The following RHBDD1 variants were observed in gnomAD, a reference collection of about 807,000 sequenced individuals.
The protein encoded by RHBDD1 is rhomboid-related protein 4.
A neutral mutation model predicts 36.3 loss-of-function variants in RHBDD1; 38 were observed. That is an observed-to-expected ratio of 1.05 (90% confidence interval 0.81 to 1.37). The LOEUF (loss-of-function observed/expected upper bound fraction) is 1.37. RHBDD1 is among the 40% of genes most tolerant of loss of function. The pLI is 0.00. For synonymous variants in RHBDD1, 151 were observed against 136.5 expected, an observed-to-expected ratio of 1.11 and a Z score of -0.74; for missense variants, 393 against 377.6, an observed-to-expected ratio of 1.04 and a Z score of -0.34.
At chr2:226,843,300 T>TG (rs1437590478) in intron 3 of RHBDD1, among the ~76,000 whole-genome samples, 1 of 152,220 alleles carries the variant, frequency 6.6e-6, no homozygotes, top group Admixed American at 6.5e-5. Flanking sequence ...GAACTTCCAA[T>TG]ACTGTGTTGA....
At chr2:226,923,110 C>G (rs118012051) in intron 8 of RHBDD1, among the ~76,000 whole-genome samples, 2,541 of 152,238 alleles carry the variant, frequency 0.017, 50 homozygotes, top group East Asian at 0.11. Context: ...CTTACTATTA[C>G]CAGTGAATTT....
upstream of RHBDD1, among the ~76,000 whole-genome samples, chr2:226,833,611 A>G (rs565041747): frequency 6.6e-6 from 1 of 152,370 alleles, no homozygotes; most frequent in Non-Finnish European, 1.5e-5. Context: ...TGTCTCACAT[A>G]TTATGCACAA....
the RHBDD1 span, among the ~76,000 whole-genome samples, chr2:226,816,325 T>C: frequency 1.4e-5 from 2 of 146,864 alleles, no homozygotes; most frequent in Admixed American, 6.9e-5. Flanking sequence ...ATTTGAATAT[T>C]CTGAACTGCA....
At chr2:226,956,465 C>G (rs1400377541) in intron 8 of RHBDD1, among the ~76,000 whole-genome samples, 1 of 152,204 alleles carries the variant, frequency 6.6e-6, no homozygotes, top group Admixed American at 6.5e-5. Context: ...CCTATCATCA[C>G]CAGTCCCCAA....
At chr2:226,952,005 A>G (rs1951459899) in intron 8 of RHBDD1, among the ~76,000 whole-genome samples, 1 of 152,134 alleles carries the variant, frequency 6.6e-6, no homozygotes, top group Non-Finnish European at 1.5e-5. Flanking sequence ...TCATTTGGGG[A>G]GCTTTGTACA....
upstream of RHBDD1, among the ~76,000 whole-genome samples, chr2:226,833,640 G>A (rs562889104): frequency 1.3e-5 from 2 of 152,174 alleles, no homozygotes; most frequent in South Asian, 2.1e-4. Flanking sequence ...GTGCTGCCTC[G>A]TCTCATGATT....
rs139734576 is a variant in RHBDD1 at position 226,945,318 on chromosome 2, C to T, written c.856+30967C>T. ...ATGGTATCCCTCCCCTAGCCTCCCA[C>T]GCCCTGACAGGCCCGGGTGTGTGAT... On this transcript the variant is annotated intron_variant, in intron 8 of 8. Transcript: ENST00000392062. Among the ~76,000 whole-genome samples, 405 of 152,216 alleles carry T rather than the reference C, an allele frequency of 2.7e-3. 3 individuals carry two copies. Among genetic ancestry groups the T allele is most frequent in the Non-Finnish European group, 4.4e-3 (299 of 68,028 alleles).
At chr2:226,895,177 G>A (rs1015888533) in intron 5 of RHBDD1, among the ~76,000 whole-genome samples, 2 of 152,232 alleles carry the variant, frequency 1.3e-5, no homozygotes, top group Admixed American at 6.5e-5. Context: ...AGACAGACAC[G>A]CTTGTCACAG....
Position 226,906,793 on chromosome 2 carries a change from G to A in RHBDD1, c.567G>A (p.Gly189=), listed in dbSNP as rs139871503. 3.1e-6 allele frequency: 5 copies of A among 1,614,086 alleles called. No homozygotes were observed. Among genetic ancestry groups the A allele is most frequent in the African/African-American group, 1.3e-5 (1 of 75,036 alleles). The part of the protein sequence containing the change: ...ELVAIHLFSP[G]TSFAGHLAGI... ...CACAAAGGGTCTCCTTCCCTCCTAG[G>A]ACTTCCTTCGCTGGGCATCTGGCTG... The change falls in exon 6 of 9, where the codon GGG becomes GGA. Residue 189 remains glycine (G), a splice_region_variant and synonymous_variant. Transcript: ENST00000392062.
At chr2:226,831,956 GGTT>G (rs750355883), upstream of RHBDD1, among the ~76,000 whole-genome samples, 4 of 127,120 alleles carry the variant, frequency 3.1e-5, no homozygotes, top group African/African-American at 7.9e-5. Context: ...TAATTTTACT[GGTT>G]TTTTTTTTTT....
At chr2:226,862,992 G>A (rs956552811) in intron 3 of RHBDD1, among the ~76,000 whole-genome samples, 1 of 152,146 alleles carries the variant, frequency 6.6e-6, no homozygotes, top group East Asian at 1.9e-4. Flanking sequence ...CTTTTCATGA[G>A]GGATATTCCC....
At chr2:226,856,246 C>A (rs2125131882) in intron 3 of RHBDD1, among the ~76,000 whole-genome samples, 1 of 152,172 alleles carries the variant, frequency 6.6e-6, no homozygotes, top group African/African-American at 2.4e-5. Flanking sequence ...TTGCATATAG[C>A]AAAGCTTTTT....
At chr2:226,915,111 G>A (rs1473817502) in intron 8 of RHBDD1, among the ~76,000 whole-genome samples, 1 of 152,060 alleles carries the variant, frequency 6.6e-6, no homozygotes, top group African/African-American at 2.4e-5. Context: ...CCTACTAGAT[G>A]TGATACCACA....
intron 8 of RHBDD1, among the ~76,000 whole-genome samples, chr2:226,921,879 T>A (rs532938452): frequency 6.6e-6 from 1 of 152,296 alleles, no homozygotes; most frequent in Admixed American, 6.5e-5. Context: ...TTAAGTGTTA[T>A]GTTTCTTTGT....
chr2:226,987,141 C>A (rs752697819), intron 8 of RHBDD1, among the ~76,000 whole-genome samples: 1 of 152,076 alleles, frequency 6.6e-6, no homozygotes, highest in Admixed American at 6.6e-5. Flanking sequence ...AACACATGGA[C>A]ACAGAGAGGG....
At position 226,865,783 on chromosome 2, in the gene RHBDD1, G is replaced by A. The variant is rs545966572; in HGVS notation, c.433+657G>A. 1.6e-3 allele frequency among the ~76,000 whole-genome samples: 249 copies of A among 152,306 alleles called. 3 individuals are homozygous for A. The South Asian group carries it at 0.042, about 26-fold the overall frequency. On this transcript the variant is annotated intron_variant, in intron 4 of 8. Coordinates refer to ENST00000392062, the MANE Select transcript of RHBDD1 (RefSeq NM_001167608.3). The stretch of plus-strand genomic sequence containing the variant: ...ATCCTATTCGGGAGAGGATTAGGCT[G>A]TTTCAGCCAGCCCCCTTTTATCTCA...
intron 5 of RHBDD1, among the ~76,000 whole-genome samples, chr2:226,886,862 G>C (rs1946257570): frequency 6.6e-6 from 1 of 152,022 alleles, no homozygotes; most frequent in South Asian, 2.1e-4. Flanking sequence ...AGTAAGCTTA[G>C]TCTTTAATTT....
chr2:226,904,492 C>T (rs1265245589), intron 5 of RHBDD1, among the ~76,000 whole-genome samples: 5 of 149,446 alleles, frequency 3.3e-5, no homozygotes, highest in South Asian at 2.1e-4. Context: ...AGGGGATGAT[C>T]GTGTATGTGG....
At chr2:226,984,059 T>C (rs1304051808) in intron 8 of RHBDD1, among the ~76,000 whole-genome samples, 1 of 152,208 alleles carries the variant, frequency 6.6e-6, no homozygotes, top group Non-Finnish European at 1.5e-5. Flanking sequence ...CCGGCAATTA[T>C]GAAGCCACCA....
Sources: allele counts gnomAD v4.1 joint callset (sites outside exome capture counted in the v4.1 genomes callset), GRCh38; gene constraint gnomAD v4.1.1; transcripts MANE v1.5; gene names NCBI Gene and HGNC (gene_info 2026-07-23, HGNC 2026-07-21).